Variants in LARP1B observed in about 807,000 individuals in gnomAD.
LARP1B encodes the protein la-related protein 1B.
A neutral mutation model predicts 114.2 loss-of-function variants in LARP1B; 76 were observed. That is an observed-to-expected ratio of 0.67 (90% CI 0.55 to 0.81). The LOEUF is 0.81. LARP1B is among the 30% of genes least tolerant of loss of function. The probability of loss-of-function intolerance (pLI) is 0.00; values close to 1 mark genes in which losing one functional copy is unlikely to be tolerated. For missense variants in LARP1B, 1,014 were observed against 1,075.8 expected, an observed-to-expected ratio of 0.94 and a Z score of 0.80; for synonymous variants, 345 against 348.0, an observed-to-expected ratio of 0.99 and a Z score of 0.10.
At chr4:128,097,888 G>C (rs915974404) in intron 7 of LARP1B, among the ~76,000 whole-genome samples, 7 of 151,864 alleles carry the variant, frequency 4.6e-5, no homozygotes, top group Non-Finnish European at 4.4e-5. Context: ...AAAAATTATT[G>C]AACTATTTTA....
intron 1 of LARP1B, among the ~76,000 whole-genome samples, chr4:128,073,444 AAAAG>A (rs1553989756): frequency 2.9e-5 from 3 of 102,616 alleles, no homozygotes; most frequent in African/African-American, 3.7e-5. Context: ...AAAAAAAAAA[AAAAG>A]AAAGAAAGAA....
At chr4:128,187,960 A>G (rs1750896792) in intron 15 of LARP1B, among the ~76,000 whole-genome samples, 1 of 152,058 alleles carries the variant, frequency 6.6e-6, no homozygotes, top group Non-Finnish European at 1.5e-5. Flanking sequence ...GCCTTCCACC[A>G]TGATTGTAAG....
Position 128,076,830 on chromosome 4 carries a change from A to AC in LARP1B, c.43-951dup, listed in dbSNP as rs1006878369. ...AGTCTTGACCTCCTGGGCTCAAGTG[A>AC]CCCCCCCACCTCAGCCCCATAAGTA... On this transcript the variant is annotated intron_variant, in intron 3 of 19. Transcript: ENST00000326639. Among the ~76,000 whole-genome samples, 10 of 151,104 alleles carry AC rather than the reference A, an allele frequency of 6.6e-5. No homozygotes were observed. The South Asian group carries it at 1.9e-3, about 29-fold the overall frequency.
intron 5 of LARP1B, among the ~76,000 whole-genome samples, 158 bp downstream of exon 5, chr4:128,082,463 T>A (rs548497356): frequency 6.6e-6 from 1 of 152,308 alleles, no homozygotes; most frequent in South Asian, 2.1e-4. Flanking sequence ...AAGAACAATA[T>A]AACCGTAATG....
chr4:128,136,401 T>C (rs1725341648), intron 11 of LARP1B, among the ~76,000 whole-genome samples: 1 of 151,928 alleles, frequency 6.6e-6, no homozygotes, highest in Non-Finnish European at 1.5e-5. Context: ...CAAAGTTGAC[T>C]TAGAGATAAA....
downstream of LARP1B, among the ~76,000 whole-genome samples, chr4:128,214,222 G>A (rs897621698): frequency 2.8e-5 from 4 of 145,294 alleles, no homozygotes; most frequent in Non-Finnish European, 6.1e-5. Context: ...AACGAGGCTG[G>A]TGGAGGGGCG....
At chr4:128,087,141 G>A (rs1580121895) in intron 5 of LARP1B, among the ~76,000 whole-genome samples, 1 of 151,880 alleles carries the variant, frequency 6.6e-6, no homozygotes, top group East Asian at 1.9e-4. Flanking sequence ...GGCTGGTCAC[G>A]AACTCCTGAC....
intron 11 of LARP1B, among the ~76,000 whole-genome samples, chr4:128,146,931 C>G (rs1055824756): frequency 6.6e-6 from 1 of 152,218 alleles, no homozygotes. Flanking sequence ...CTAGGACCCA[C>G]TGTTATGCTT....
At position 128,155,990 on chromosome 4, in the gene LARP1B, G is replaced by T. The variant is rs951398566; in HGVS notation, c.1525-6204G>T. The T allele has an allele frequency of 3.2e-6, 5 of 1,547,436 alleles. No homozygotes were observed. The South Asian group carries it at 6.0e-5, about 19-fold the overall frequency. ...CCAGCCCCCTGCCGCCCTGTACCTT[G>T]TATCTCCCTTTCCCCAGGGCCTGTG... is the stretch of plus-strand genomic sequence containing the variant. On this transcript the variant is annotated intron_variant, in intron 11 of 19. Coordinates refer to ENST00000326639, the MANE Select transcript of LARP1B (RefSeq NM_018078.4).
intron 12 of LARP1B, among the ~76,000 whole-genome samples, chr4:128,170,775 GAC>G (rs1743195308): frequency 6.6e-6 from 1 of 151,512 alleles, no homozygotes; most frequent in Admixed American, 6.6e-5. Context: ...TATTCAGTCT[GAC>G]AGTATATCTT....
intron 7 of LARP1B, among the ~76,000 whole-genome samples, chr4:128,220,670 T>C (rs1425514330): frequency 1.3e-5 from 2 of 152,316 alleles, no homozygotes; most frequent in East Asian, 3.9e-4. Context: ...ACTTTTGCTT[T>C]GGTATTGTCC....
chr4:128,206,303 A>G, intron 17 of LARP1B, 125 bp from the exon 18 acceptor site: 1 of 577,336 alleles, frequency 1.7e-6, no homozygotes, highest in South Asian at 3.4e-5. Context: ...AAAAATAATT[A>G]AAAAATCTGA....
At chr4:128,101,971 T>C (rs1052984386) in intron 8 of LARP1B, among the ~76,000 whole-genome samples, 1 of 152,208 alleles carries the variant, frequency 6.6e-6, no homozygotes, top group Non-Finnish European at 1.5e-5. Context: ...AATTTTAAGA[T>C]CATTGACATT....
Position 128,178,542 on chromosome 4 carries a change from C to G in LARP1B, c.1796C>G (p.Thr599Arg). The change falls in exon 14 of 20, where the codon ACA (threonine) becomes AGA (arginine). Residue 599 changes from threonine (T) to arginine (R), a missense_variant. Transcript: ENST00000326639. ...CCAGAATCTCCTAGAATTCATCCTA[C>G]AAGAACACCCAAAACACCTCGAACA... Reference protein sequence around the residue: ...AVPESPRIHPTRTPKTPRTPR... With the variant: ...AVPESPRIHPRRTPKTPRTPR... 6.2e-7 allele frequency: 1 copy of G among 1,613,958 alleles called. No homozygotes were observed. Among genetic ancestry groups the G allele is most frequent in the Non-Finnish European group, 8.5e-7 (1 of 1,179,894 alleles).
chr4:128,145,580 G>A (rs1444684110), intron 11 of LARP1B, among the ~76,000 whole-genome samples: 2 of 152,124 alleles, frequency 1.3e-5, no homozygotes, highest in Non-Finnish European at 2.9e-5. Context: ...TGCATAGATT[G>A]TCTCCAGCGC....
chr4:128,170,867 C>CTTTTTTTTTTTTTTTTTTTTTTTTTTT (rs1211999090), intron 12 of LARP1B, among the ~76,000 whole-genome samples: 1 of 99,946 alleles, frequency 1.0e-5, no homozygotes, highest in Non-Finnish European at 2.1e-5. Context: ...TTTTCTTTTT[C>CTTTTTTTTTTTTTTTTTTTTTTTTTTT]TTTTCTTTTT....
intron 11 of LARP1B, among the ~76,000 whole-genome samples, chr4:128,129,882 A>G (rs951827685): frequency 4.6e-5 from 7 of 152,260 alleles, no homozygotes; most frequent in African/African-American, 1.4e-4. Flanking sequence ...ACCATCGTCC[A>G]AAATGTAAAA....
At chr4:128,065,319 C>G (rs113145728) in intron 1 of LARP1B, among the ~76,000 whole-genome samples, 1 of 59,672 alleles carries the variant, frequency 1.7e-5, no homozygotes, top group Non-Finnish European at 3.8e-5. Context: ...CTTTCTTTCT[C>G]TCTCTCTCTC....
chr4:128,080,730 A>T (rs1362507403), intron 4 of LARP1B, among the ~76,000 whole-genome samples: 3 of 152,198 alleles, frequency 2.0e-5, no homozygotes, highest in Non-Finnish European at 2.9e-5. Flanking sequence ...TTACATTGTC[A>T]TTTAGTCATC....
Sources: gnomAD v4.1 joint callset for allele counts (sites outside exome capture counted in the v4.1 genomes callset) on GRCh38, gnomAD v4.1.1 for gene constraint, MANE v1.5 for transcripts, NCBI Gene and HGNC (gene_info 2026-07-23, HGNC 2026-07-21) for gene names.